OR5L1: variants seen among roughly 807,000 people sequenced by gnomAD.
OR5L1 encodes olfactory receptor 5L1.
For synonymous variants in OR5L1, 197 were observed against 146.6 expected (o/e 1.34, Z -2.49); for missense variants, 398 against 365.8 (o/e 1.09, Z -0.72).
chr11:55,811,612 T>G lies in OR5L1; in HGVS notation c.146T>G (p.Ile49Ser), dbSNP rs149247166. The G allele has an allele frequency of 3.7e-6, 6 of 1,613,864 alleles. No individual in the cohort carries two copies. In the African/African-American group the frequency reaches 8.0e-5, roughly 22 times the overall value. The change falls in exon 1 of 1, where the codon ATT becomes AGT. Residue 49 changes from isoleucine to serine, a missense_variant. Transcript: ENST00000625203. ...LLANLGMIAL[I>S]QVSSRLHTPM... is the part of the protein sequence containing the mutation. ...GCCAACCTGGGCATGATTGCACTGA[T>G]TCAGGTCAGCTCTCGGCTCCACACC... is the stretch of plus-strand genomic sequence containing the variant.
At position 55,811,372 on chromosome 11, in the gene OR5L1, C is replaced by A; in HGVS notation, c.-95C>A. The A allele has an allele frequency of 7.5e-7, 1 of 1,331,780 alleles. No homozygotes were observed. Among genetic ancestry groups the A allele is most frequent in the Non-Finnish European group, 1.0e-6 (1 of 984,788 alleles). The allele number at this position is 1,331,780 out of a possible 1,614,324, so 82.5% of individuals were successfully genotyped here. A position where few individuals can be genotyped will look rare whatever the true frequency, so the allele number is the denominator to read the frequency against. Reference sequence around the variant, plus strand: ...TAAACTATCCTACTTTTTCTGGTGTCTTTTTACAGGATACAGCCAAAACTA... The same window carrying A: ...TAAACTATCCTACTTTTTCTGGTGTATTTTTACAGGATACAGCCAAAACTA... On this transcript the variant is annotated 5_prime_UTR_variant, in exon 1 of 1. Coordinates refer to ENST00000625203, the MANE Select transcript of OR5L1 (RefSeq NM_001004738.2).
chr11:55,812,277 GACAAAGTGGCC>G lies in OR5L1; in HGVS notation c.814_824del (p.Lys272ArgfsTer20). Reference sequence around the variant, plus strand: ...CAGTTCAGGCAATAGTGGAGATGCTGACAAAGTGGCCACCGTGTTCTACACAGTCGTGATTC... The same window carrying G: ...CAGTTCAGGCAATAGTGGAGATGCTGACCGTGTTCTACACAGTCGTGATTC... On this transcript the variant is annotated frameshift_variant, in exon 1 of 1. Coordinates refer to ENST00000625203, the MANE Select transcript of OR5L1 (RefSeq NM_001004738.2). LOFTEE classifies it low-confidence loss of function (END_TRUNC). The G allele has an allele frequency of 6.6e-7, 1 of 1,519,780 alleles. No homozygotes were observed. Among genetic ancestry groups the G allele is most frequent in the Non-Finnish European group, 8.9e-7 (1 of 1,129,622 alleles). 94.1% of individuals were successfully genotyped at this position (1,519,780 alleles called of 1,614,324 possible). A position where few individuals can be genotyped will look rare whatever the true frequency, so the allele number is the denominator to read the frequency against.
Position 55,811,963 on chromosome 11 carries a change from T to A in OR5L1, c.497T>A (p.Ile166Asn), listed in dbSNP as rs1400872980. Residue 166 changes from isoleucine (I) to asparagine (N), a missense_variant, in exon 1 of 1, where the codon ATC becomes AAC. Ile to Asn is a moderately radical substitution (Grantham distance 149, BLOSUM62 -3). Transcript: ENST00000625203. ...SLIHLCLALR[I>N]PFYRSNVINH... ...ATTCATTTGTGCTTAGCTCTTAGGA[T>A]CCCCTTCTATAGATCTAATGTGATT... is the stretch of plus-strand genomic sequence containing the variant. The A allele has an allele frequency of 6.2e-7, 1 of 1,613,956 alleles. No homozygotes were observed. Among genetic ancestry groups the A allele is most frequent in the Non-Finnish European group, 8.5e-7 (1 of 1,179,996 alleles).
rs1002735022 is a variant in OR5L1 at position 55,812,157 on chromosome 11, G to A, written c.691G>A (p.Ala231Thr). The change falls in exon 1 of 1, where the codon GCA becomes ACA. Residue 231 changes from alanine to threonine, a missense_variant. Coordinates refer to ENST00000625203, the MANE Select transcript of OR5L1 (RefSeq NM_001004738.2). ...CACCACCATCCTGAAGATGGGCTCTGCAGAGGGCAGGCACAAAGCCTTCTC... is the reference window on the plus strand; with the variant it reads ...CACCACCATCCTGAAGATGGGCTCTACAGAGGGCAGGCACAAAGCCTTCTC... ...ILTTILKMGS[A>T]EGRHKAFSTC... The A allele has an allele frequency of 1.2e-6, 2 of 1,613,946 alleles. No homozygotes were observed. The highest frequency in any genetic ancestry group is 1.7e-6 in the Non-Finnish European group (2 of 1,180,032).
In OR5L1 at chr11:55,812,158, C is replaced by A. The variant is rs1443572484; in HGVS notation, c.692C>A (p.Ala231Glu). 2 of 1,613,968 alleles carry A rather than the reference C, an allele frequency of 1.2e-6. No individual in the cohort carries two copies. The highest frequency in any genetic ancestry group is 1.7e-6 in the Non-Finnish European group (2 of 1,180,026). ...ACCACCATCCTGAAGATGGGCTCTG[C>A]AGAGGGCAGGCACAAAGCCTTCTCC... ...ILTTILKMGS[A>E]EGRHKAFSTC... The change falls in exon 1 of 1, where the codon GCA becomes GAA. Residue 231 changes from alanine (A) to glutamate (E), a missense_variant. Coordinates refer to ENST00000625203, the MANE Select transcript of OR5L1 (RefSeq NM_001004738.2).
At position 55,811,821 on chromosome 11, in the gene OR5L1, G is replaced by T. The variant is rs1853695875; in HGVS notation, c.355G>T (p.Ala119Ser). 2 of 1,613,822 alleles carry T rather than the reference G, an allele frequency of 1.2e-6. No homozygotes were observed. Residue 119 changes from alanine (A) to serine (S), a missense_variant, in exon 1 of 1, where the codon GCC (alanine) becomes TCC (serine). Physicochemically the swap from Ala to Ser is moderately conservative, Grantham distance 99. Coordinates refer to ENST00000625203, the MANE Select transcript of OR5L1 (RefSeq NM_001004738.2). ...TGAGGTCTTCCTGCTGGCCGTGATG[G>T]CCTATGACCGCTTTGTGGCCATCTG... is the stretch of plus-strand genomic sequence containing the variant. ...VTEVFLLAVM[A>S]YDRFVAICNP...
Position 55,812,455 on chromosome 11 carries a change from T to G in OR5L1, c.*53T>G. ...TTCCCAAGTAGTGGCAGGCGGGGGT[T>G]CACGGGAGAGGCACAGTGTTGGAGT... On this transcript the variant is annotated 3_prime_UTR_variant, in exon 1 of 1. Transcript: ENST00000625203. 42 of 1,310,222 alleles carry G rather than the reference T, an allele frequency of 3.2e-5. No individual in the cohort carries two copies. Among genetic ancestry groups the G allele is most frequent in the Non-Finnish European group, 4.4e-5 (41 of 930,144 alleles). 81.2% of individuals were successfully genotyped at this position (1,310,222 alleles called of 1,614,324 possible).
In OR5L1 at chr11:55,812,467, C is replaced by A; in HGVS notation, c.*65C>A. 2.6e-6 allele frequency: 3 copies of A among 1,147,274 alleles called. No individual in the cohort carries two copies. The highest frequency in any genetic ancestry group is 2.4e-5 in the East Asian group (1 of 41,158). The allele number at this position is 1,147,274 out of a possible 1,614,324, so 71.1% of individuals were successfully genotyped here. ...GGCAGGCGGGGGTTCACGGGAGAGG[C>A]ACAGTGTTGGAGTACAGAGAAGAAG... On this transcript the variant is annotated 3_prime_UTR_variant, in exon 1 of 1. Transcript: ENST00000625203.
chr11:55,812,344 G>T lies in OR5L1; in HGVS notation c.878G>T (p.Arg293Ile). Residue 293 changes from arginine (R) to isoleucine (I), a missense_variant, in exon 1 of 1, where the codon AGA becomes ATA. Coordinates refer to ENST00000625203, the MANE Select transcript of OR5L1 (RefSeq NM_001004738.2). ...CTGAACTCTGTGATCTACAGCCTGAGAAATAAAGATGTGAAAGAAGCTCTC... is the reference window on the plus strand; with the variant it reads ...CTGAACTCTGTGATCTACAGCCTGATAAATAAAGATGTGAAAGAAGCTCTC... ...PMLNSVIYSL[R>I]NKDVKEALRK... The T allele has an allele frequency of 6.2e-7, 1 of 1,613,750 alleles. No homozygotes were observed. Among genetic ancestry groups the T allele is most frequent in the Non-Finnish European group, 8.5e-7 (1 of 1,179,908 alleles).
Position 55,812,159 on chromosome 11 carries a change from A to T in OR5L1, c.693A>T (p.Ala231=). 1 of 1,614,020 alleles carries T rather than the reference A, an allele frequency of 6.2e-7. No individual in the cohort carries two copies. Among genetic ancestry groups the T allele is most frequent in the Non-Finnish European group, 8.5e-7 (1 of 1,180,036 alleles). The part of the protein sequence containing the change: ...ILTTILKMGS[A]EGRHKAFSTC... Reference sequence around the variant, plus strand: ...CCACCATCCTGAAGATGGGCTCTGCAGAGGGCAGGCACAAAGCCTTCTCCA... The same window carrying T: ...CCACCATCCTGAAGATGGGCTCTGCTGAGGGCAGGCACAAAGCCTTCTCCA... The change falls in exon 1 of 1, where the codon GCA becomes GCT. Residue 231 remains alanine, a synonymous_variant. Coordinates refer to ENST00000625203, the MANE Select transcript of OR5L1 (RefSeq NM_001004738.2).
chr11:55,811,934 T>C lies in OR5L1; in HGVS notation c.468T>C (p.Ser156=), dbSNP rs538330368. 1 of 1,614,028 alleles carries C rather than the reference T, an allele frequency of 6.2e-7. No homozygotes were observed. The highest frequency in any genetic ancestry group is 1.3e-5 in the African/African-American group (1 of 74,902). The part of the protein sequence containing the change: ...SCCYFCGTVC[S]LIHLCLALRI... Reference sequence around the variant, plus strand: ...GCTACTTCTGTGGGACGGTGTGTTCTCTGATTCATTTGTGCTTAGCTCTTA... The same window carrying C: ...GCTACTTCTGTGGGACGGTGTGTTCCCTGATTCATTTGTGCTTAGCTCTTA... The change falls in exon 1 of 1, where the codon TCT becomes TCC. Residue 156 remains serine, a synonymous_variant. Transcript: ENST00000625203.
chr11:55,811,415 T>A lies in OR5L1; in HGVS notation c.-52T>A. 3.9e-6 allele frequency: 6 copies of A among 1,550,314 alleles called. No individual in the cohort carries two copies. The highest frequency in any genetic ancestry group is 5.2e-6 in the Non-Finnish European group (6 of 1,150,662). On this transcript the variant is annotated 5_prime_UTR_variant, in exon 1 of 1. The change abolishes an upstream ATG in the 5' untranslated region. Coordinates refer to ENST00000625203, the MANE Select transcript of OR5L1 (RefSeq NM_001004738.2). ...CAAAACTAAAATTTAGACTATATAA[T>A]GGAGAATAATTTTTAAGTTTCTTTT...
Position 55,812,115 on chromosome 11 carries a change from T to C in OR5L1, c.649T>C (p.Ser217Pro). The change falls in exon 1 of 1, where the codon TCC becomes CCC. Residue 217 changes from serine to proline, a missense_variant. Coordinates refer to ENST00000625203, the MANE Select transcript of OR5L1 (RefSeq NM_001004738.2). ...ESVTIMIILT[S>P]YLLILTTILK... Reference sequence around the variant, plus strand: ...TGTTACCATCATGATCATCCTCACCTCCTACCTGCTAATTCTCACCACCAT... The same window carrying C: ...TGTTACCATCATGATCATCCTCACCCCCTACCTGCTAATTCTCACCACCAT... 1.2e-6 allele frequency: 2 copies of C among 1,613,958 alleles called. No homozygotes were observed. The highest frequency in any genetic ancestry group is 2.2e-5 in the South Asian group (2 of 91,074).
At position 55,812,014 on chromosome 11, in the gene OR5L1, C is replaced by T. The variant is rs758750068; in HGVS notation, c.548C>T (p.Pro183Leu). The T allele has an allele frequency of 8.1e-6, 13 of 1,613,830 alleles. No homozygotes were observed. The highest frequency in any genetic ancestry group is 1.3e-5 in the African/African-American group (1 of 74,766). ...VINHFFCDLP[P>L]VLSLACSDIT... ...AACCACTTTTTCTGTGATCTACCTC[C>T]TGTCTTAAGTCTTGCTTGCTCTGAT... Residue 183 changes from proline (P) to leucine (L), a missense_variant, in exon 1 of 1, where the codon CCT becomes CTT. Pro to Leu is a moderately conservative substitution (Grantham distance 98). Transcript: ENST00000625203.
rs34961497 is a variant in OR5L1 at position 55,811,626 on chromosome 11, C to T, written c.160C>T (p.Arg54Trp). The change falls in exon 1 of 1, where the codon CGG (arginine) becomes TGG (tryptophan). Residue 54 changes from arginine (R) to tryptophan (W), a missense_variant. Transcript: ENST00000625203. ...GMIALIQVSS[R>W]LHTPMYFFLS... ...GATTGCACTGATTCAGGTCAGCTCTCGGCTCCACACCCCCATGTACTTTTT... is the reference window on the plus strand; with the variant it reads ...GATTGCACTGATTCAGGTCAGCTCTTGGCTCCACACCCCCATGTACTTTTT... The T allele has an allele frequency of 0.081, 130,307 of 1,613,238 alleles. 2,808 individuals are homozygous for T. The highest frequency in any genetic ancestry group is 0.13 in the African/African-American group (9,412 of 74,772).
Position 55,811,837 on chromosome 11 carries a change from T to C in OR5L1, c.371T>C (p.Val124Ala), listed in dbSNP as rs1853696564. 1 of 1,614,012 alleles carries C rather than the reference T, an allele frequency of 6.2e-7. No individual in the cohort carries two copies. Among genetic ancestry groups the C allele is most frequent in the Non-Finnish European group, 8.5e-7 (1 of 1,179,998 alleles). ...LLAVMAYDRFVAICNPLLYTV... is the reference protein window; with the variant it reads ...LLAVMAYDRFAAICNPLLYTV... Reference sequence around the variant, plus strand: ...GCCGTGATGGCCTATGACCGCTTTGTGGCCATCTGTAACCCTTTGCTATAC... The same window carrying C: ...GCCGTGATGGCCTATGACCGCTTTGCGGCCATCTGTAACCCTTTGCTATAC... The change falls in exon 1 of 1, where the codon GTG becomes GCG. Residue 124 changes from valine to alanine, a missense_variant. Val to Ala is a moderately conservative substitution (Grantham distance 64). Coordinates refer to ENST00000625203, the MANE Select transcript of OR5L1 (RefSeq NM_001004738.2).
chr11:55,812,200 TCA>T lies in OR5L1; in HGVS notation c.737_738del (p.Thr246SerfsTer21). 2 of 1,613,980 alleles carry T rather than the reference TCA, an allele frequency of 1.2e-6. No individual in the cohort carries two copies. Among genetic ancestry groups the T allele is most frequent in the Non-Finnish European group, 8.5e-7 (1 of 1,180,028 alleles). ...GCCTTCTCCACCTGTGCTTCCCACC[TCA>T]CAGCTATCACTGTCTTCCATGGAAC... On this transcript the variant is annotated frameshift_variant, in exon 1 of 1. Coordinates refer to ENST00000625203, the MANE Select transcript of OR5L1 (RefSeq NM_001004738.2). LOFTEE classifies it low-confidence loss of function (END_TRUNC).
In OR5L1 at chr11:55,812,309, G is replaced by A; in HGVS notation, c.843G>A (p.Val281=). ...DKVATVFYTV[V]IPMLNSVIYS... ...TGGCCACCGTGTTCTACACAGTCGT[G>A]ATTCCTATGCTGAACTCTGTGATCT... The change falls in exon 1 of 1, where the codon GTG becomes GTA. Residue 281 remains valine (V), a synonymous_variant. Coordinates refer to ENST00000625203, the MANE Select transcript of OR5L1 (RefSeq NM_001004738.2). 6 of 1,613,964 alleles carry A rather than the reference G, an allele frequency of 3.7e-6. No homozygotes were observed. Among genetic ancestry groups the A allele is most frequent in the Non-Finnish European group, 5.1e-6 (6 of 1,179,982 alleles).
chr11:55,812,386 C>T lies in OR5L1; in HGVS notation c.920C>T (p.Ser307Phe), dbSNP rs776890914. The change falls in exon 1 of 1, where the codon TCC (serine) becomes TTC (phenylalanine). Residue 307 changes from serine to phenylalanine, a missense_variant. By Grantham distance (155) the Ser-to-Phe change is radical. Coordinates refer to ENST00000625203, the MANE Select transcript of OR5L1 (RefSeq NM_001004738.2). Reference protein sequence around the residue: ...VKEALRKVMGSKIHS With the variant: ...VKEALRKVMGFKIHS The stretch of plus-strand genomic sequence containing the variant: ...GAAGCTCTCAGAAAAGTGATGGGCT[C>T]CAAAATTCACTCCTAGGGAAGATTT... The T allele has an allele frequency of 6.2e-7, 1 of 1,605,470 alleles. No individual in the cohort carries two copies. Among genetic ancestry groups the T allele is most frequent in the South Asian group, 1.1e-5 (1 of 89,134 alleles).
Sources: allele counts gnomAD v4.1 joint callset, GRCh38; gene constraint gnomAD v4.1.1; transcripts MANE v1.5; gene names NCBI Gene and HGNC (gene_info 2026-07-23, HGNC 2026-07-21).